CRMP1: variants seen among roughly 807,000 people sequenced by gnomAD.
CRMP1 encodes dihydropyrimidinase-related protein 1.
CRMP1 carries 19 observed loss-of-function variants against 68.3 expected under a neutral mutation model. That is an observed-to-expected ratio of 0.28 (90% CI 0.19 to 0.41). CRMP1 has a LOEUF of 0.41. Among genes scored for constraint, CRMP1 ranks in the 10% least tolerant of loss-of-function variants. The probability of loss-of-function intolerance (pLI) is 1.00; values close to 1 mark genes in which losing one functional copy is unlikely to be tolerated. For missense variants in CRMP1, 791 were observed against 967.4 expected (o/e 0.82, Z 2.42); for synonymous variants, 439 against 399.6 (o/e 1.10, Z -1.18).
In CRMP1 at chr4:5,849,442, G is replaced by A; in HGVS notation, c.913C>T (p.Leu305=). 4 of 1,613,744 alleles carry A rather than the reference G, an allele frequency of 2.5e-6. No individual in the cohort carries two copies. The highest frequency in any genetic ancestry group is 3.4e-6 in the Non-Finnish European group (4 of 1,179,936). The change falls in exon 6 of 14, where the codon CTG becomes TTG. Residue 305 remains leucine (L), a synonymous_variant. Coordinates refer to ENST00000324989, the MANE Select transcript of CRMP1 (RefSeq NM_001014809.3). ...LYEAFTFLKG[L]GAVILVHAEN... is the part of the protein sequence containing the mutation. ...GCATGGACCAAGATCACAGCTCCCA[G>A]GCCCTTAAGGAAGGTAAAGGCTTCA...
intron 8 of CRMP1, among the ~76,000 whole-genome samples, chr4:5,840,782 T>C (rs1711663672): frequency 6.6e-6 from 1 of 152,202 alleles, no homozygotes; most frequent in Non-Finnish European, 1.5e-5. Flanking sequence ...CCGGTTTCCT[T>C]ATCTTCAAAA....
In CRMP1 at chr4:5,866,558, C is replaced by T; in HGVS notation, c.470+110G>A. On this transcript the variant is annotated intron_variant, in intron 2 of 13. Transcript: ENST00000324989. This position sits in a 1 kb window ranked among gnomAD's most constrained non-coding sequence, Gnocchi z 5.9. ...CTGTGAGGTCTCTACCCCTGAAACA[C>T]AGGTACACAGCCCCGTCATTCTAGG... is the stretch of plus-strand genomic sequence containing the variant. The T allele has an allele frequency of 1.3e-6, 1 of 760,244 alleles. No individual in the cohort carries two copies. 47.1% of individuals were successfully genotyped at this position (760,244 alleles called of 1,614,324 possible).
chr4:5,832,998 A>T (rs1720482256), intron 11 of CRMP1, among the ~76,000 whole-genome samples: 1 of 152,138 alleles, frequency 6.6e-6, no homozygotes, highest in Non-Finnish European at 1.5e-5. Context: ...CCACGCAATG[A>T]CAGAGGCAGA....
At position 5,893,056 on chromosome 4, in the gene CRMP1, T is replaced by G; in HGVS notation, c.-87A>C. 1 of 896,598 alleles carries G rather than the reference T, an allele frequency of 1.1e-6. No individual in the cohort carries two copies. The highest frequency in any genetic ancestry group is 1.3e-6 in the Non-Finnish European group (1 of 746,762). The allele number at this position is 896,598 out of a possible 1,614,324, so 55.5% of individuals were successfully genotyped here. A position where few individuals can be genotyped will look rare whatever the true frequency, so the allele number is the denominator to read the frequency against. On this transcript the variant is annotated 5_prime_UTR_variant, in exon 1 of 14. Coordinates refer to ENST00000324989, the MANE Select transcript of CRMP1 (RefSeq NM_001014809.3). ...CCGTGCGCCGCGCTCCGCGCCTCGG[T>G]GCGGGCCTGCGGCGGCCCGGGCGCG...
intron 1 of CRMP1, among the ~76,000 whole-genome samples, chr4:5,885,912 G>GT (rs1366217293): frequency 2.2e-5 from 3 of 135,920 alleles, no homozygotes; most frequent in Non-Finnish European, 4.8e-5. Context: ...TATGGAACAC[G>GT]TTAAGGTGCA....
rs1433902812 is a variant in CRMP1, at chr4:5,853,114, T to C, written c.821-1645A>G. Among the ~76,000 whole-genome samples the C allele has an allele frequency of 1.3e-5, 2 of 152,118 alleles. No homozygotes were observed. Among genetic ancestry groups the C allele is most frequent in the African/African-American group, 2.4e-5 (1 of 41,412 alleles). ...GAATTGCTGAGAGCATTTAAGCTGA[T>C]TAGAAAATAAAAACACAGGTGGGAG... is the stretch of plus-strand genomic sequence containing the variant. On this transcript the variant is annotated intron_variant, in intron 4 of 13. Coordinates refer to ENST00000324989, the MANE Select transcript of CRMP1 (RefSeq NM_001014809.3). The surrounding 1 kb of genome is among the most constrained non-coding windows in gnomAD (Gnocchi z 4.7).
rs368527112 is a variant in CRMP1 at position 5,821,863 on chromosome 4, C to T, written c.1970-12G>A. ...ATCTATCTGGGCACCTGAAAGAGAG[C>T]GCCAATCGCTGCTGGATGGGATCTG... On this transcript the variant is annotated splice_polypyrimidine_tract_variant and intron_variant, in intron 13 of 13. Transcript: ENST00000324989. The surrounding 1 kb of genome is among the most constrained non-coding windows in gnomAD (Gnocchi z 4.4). The T allele has an allele frequency of 1.7e-5, 27 of 1,547,904 alleles. No individual in the cohort carries two copies. The highest frequency in any genetic ancestry group is 1.0e-4 in the African/African-American group (6 of 59,058).
Position 5,834,931 on chromosome 4 carries a change from T to C in CRMP1, c.1623+984A>G, listed in dbSNP as rs1056038666. On this transcript the variant is annotated intron_variant, in intron 11 of 13. Coordinates refer to ENST00000324989, the MANE Select transcript of CRMP1 (RefSeq NM_001014809.3). The surrounding 1 kb of genome is among the most constrained non-coding windows in gnomAD (Gnocchi z 4.3). ...GAGACCTCTGCTTCTGCAGGCCATGTCTGTGGCAGCCAATGGATACTCCAG... is the reference window on the plus strand; with the variant it reads ...GAGACCTCTGCTTCTGCAGGCCATGCCTGTGGCAGCCAATGGATACTCCAG... Among the ~76,000 whole-genome samples, 1 of 152,138 alleles carries C rather than the reference T, an allele frequency of 6.6e-6. No homozygotes were observed. The highest frequency in any genetic ancestry group is 1.5e-5 in the Non-Finnish European group (1 of 68,010).
chr4:5,842,827 A>G lies in CRMP1; in HGVS notation c.1032+266T>C, dbSNP rs10011385. ...TATTATCCACTATGCCATGTCCTCC[A>G]TGAGAATCCGTATCCACTTGGGACA... On this transcript the variant is annotated intron_variant, in intron 7 of 13. Transcript: ENST00000324989. The surrounding 1 kb of genome is among the most constrained non-coding windows in gnomAD (Gnocchi z 4.5). 0.41 allele frequency among the ~76,000 whole-genome samples: 62,739 copies of G among 152,012 alleles called. 13,488 individuals carry two copies. Among genetic ancestry groups the G allele is most frequent in the African/African-American group, 0.54 (22,520 of 41,476 alleles).
rs1164018033 is a variant in CRMP1, at chr4:5,861,731, G to A, written c.471-521C>T. 6.6e-6 allele frequency among the ~76,000 whole-genome samples: 1 copy of A among 152,128 alleles called. No homozygotes were observed. The highest frequency in any genetic ancestry group is 1.5e-5 in the Non-Finnish European group (1 of 68,028). On this transcript the variant is annotated intron_variant, in intron 2 of 13. Coordinates refer to ENST00000324989, the MANE Select transcript of CRMP1 (RefSeq NM_001014809.3). The surrounding 1 kb of genome is among the most constrained non-coding windows in gnomAD (Gnocchi z 6.0). ...TTTTATTTGCTGGCACCAGAGTCAG[G>A]AGGTCCCTCAAGGCGCTGGGGGAAG...
At position 5,892,452 on chromosome 4, in the gene CRMP1, G is replaced by T; in HGVS notation, c.381+137C>A. 1.1e-6 allele frequency: 1 copy of T among 892,800 alleles called. No homozygotes were observed. The highest frequency in any genetic ancestry group is 1.4e-6 in the Non-Finnish European group (1 of 706,958). The allele number at this position is 892,800 out of a possible 1,614,324, so 55.3% of individuals were successfully genotyped here. A position where few individuals can be genotyped will look rare whatever the true frequency, so the allele number is the denominator to read the frequency against. ...CTCTTGCATGATGAGGTGGGGGAGG[G>T]GCCGCGCCGTGGCTCTCCCCAGCCT... is the stretch of plus-strand genomic sequence containing the variant. On this transcript the variant is annotated intron_variant, in intron 1 of 13. Coordinates refer to ENST00000324989, the MANE Select transcript of CRMP1 (RefSeq NM_001014809.3). The surrounding 1 kb of genome is among the most constrained non-coding windows in gnomAD (Gnocchi z 8.6).
intron 11 of CRMP1, among the ~76,000 whole-genome samples, chr4:5,832,370 A>G (rs111857119): frequency 1.1e-4 from 17 of 152,258 alleles, no homozygotes; most frequent in Non-Finnish European, 2.2e-4. Context: ...TATGATATAC[A>G]AACATGTATG....
At position 5,866,556 on chromosome 4, in the gene CRMP1, C is replaced by A; in HGVS notation, c.470+112G>T. ...CTCTGTGAGGTCTCTACCCCTGAAA[C>A]ACAGGTACACAGCCCCGTCATTCTA... On this transcript the variant is annotated intron_variant, in intron 2 of 13. Coordinates refer to ENST00000324989, the MANE Select transcript of CRMP1 (RefSeq NM_001014809.3). The surrounding 1 kb of genome is among the most constrained non-coding windows in gnomAD (Gnocchi z 5.9). The A allele has an allele frequency of 1.3e-6, 1 of 743,120 alleles. No homozygotes were observed. The highest frequency in any genetic ancestry group is 2.0e-5 in the South Asian group (1 of 49,660). The allele number at this position is 743,120 out of a possible 1,614,324, so 46.0% of individuals were successfully genotyped here.
intron 1 of CRMP1, chr4:5,887,296 C>T: frequency 1.1e-6 from 1 of 944,568 alleles, no homozygotes; most frequent in Non-Finnish European, 1.3e-6. Context: ...AATGAGCAGG[C>T]TGGGTCTCCA....
rs1000571643 is a variant in CRMP1, at chr4:5,861,338, G to C, written c.471-128C>G. The C allele has an allele frequency of 3.5e-5, 32 of 918,168 alleles. No individual in the cohort carries two copies. The highest frequency in any genetic ancestry group is 5.0e-5 in the African/African-American group (3 of 60,526). The allele number at this position is 918,168 out of a possible 1,614,324, so 56.9% of individuals were successfully genotyped here. A position where few individuals can be genotyped will look rare whatever the true frequency, so the allele number is the denominator to read the frequency against. On this transcript the variant is annotated intron_variant, in intron 2 of 13. Transcript: ENST00000324989. This position sits in a 1 kb window ranked among gnomAD's most constrained non-coding sequence, Gnocchi z 6.0. ...CCCTTCACAAGGCCCTGGGGAGACAGAGATAACTCAGGCAGGGCACATGCC... is the reference window on the plus strand; with the variant it reads ...CCCTTCACAAGGCCCTGGGGAGACACAGATAACTCAGGCAGGGCACATGCC...
At chr4:5,845,039 C>T (rs946702207) in intron 6 of CRMP1, among the ~76,000 whole-genome samples, 1 of 152,218 alleles carries the variant, frequency 6.6e-6, no homozygotes, top group Non-Finnish European at 1.5e-5. Flanking sequence ...AAAGCTAGTG[C>T]TATGCCTGGC....
At position 5,834,141 on chromosome 4, in the gene CRMP1, A is replaced by G. The variant is rs1488829409; in HGVS notation, c.1623+1774T>C. Among the ~76,000 whole-genome samples the G allele has an allele frequency of 6.6e-6, 1 of 152,190 alleles. No individual in the cohort carries two copies. The highest frequency in any genetic ancestry group is 2.4e-5 in the African/African-American group (1 of 41,444). ...CTTTGACTGGCTGACACAGACATTCACGTTCCTTTCTAGATAAGGATCACC... is the reference window on the plus strand; with the variant it reads ...CTTTGACTGGCTGACACAGACATTCGCGTTCCTTTCTAGATAAGGATCACC... On this transcript the variant is annotated intron_variant, in intron 11 of 13. Coordinates refer to ENST00000324989, the MANE Select transcript of CRMP1 (RefSeq NM_001014809.3). The surrounding 1 kb of genome is among the most constrained non-coding windows in gnomAD (Gnocchi z 4.3).
chr4:5,831,773 C>A (rs1255993607), intron 11 of CRMP1, among the ~76,000 whole-genome samples: 2 of 152,190 alleles, frequency 1.3e-5, no homozygotes, highest in African/African-American at 4.8e-5. Context: ...GAATTGTAAA[C>A]ATCAATTCCT....
intron 1 of CRMP1, chr4:5,887,950 C>G: frequency 1.7e-6 from 1 of 577,844 alleles, no homozygotes; most frequent in Non-Finnish European, 2.5e-6. Flanking sequence ...TCCACGCCAT[C>G]CTCTGGCACA....
Sources: allele counts gnomAD v4.1 joint callset (sites outside exome capture counted in the v4.1 genomes callset), GRCh38; gene constraint gnomAD v4.1.1; non-coding constraint Gnocchi (gnomAD v3.1); transcripts MANE v1.5; gene names NCBI Gene and HGNC (gene_info 2026-07-23, HGNC 2026-07-21).